ZNF101: variants seen among roughly 807,000 people sequenced by gnomAD.
The protein encoded by ZNF101 is zinc finger protein 101 (Y2).
A neutral mutation model predicts 42.6 loss-of-function variants in ZNF101; 34 were observed. The observed-to-expected ratio is 0.80, with a 90% CI of 0.61 to 1.06. The LOEUF (loss-of-function observed/expected upper bound fraction) is 1.06. Ranked by LOEUF, ZNF101 falls within the 50% of genes least tolerant of loss-of-function variation. The pLI is 0.00. For synonymous variants in ZNF101, 158 were observed against 183.9 expected, an observed-to-expected ratio of 0.86 and a Z score of 1.14; for missense variants, 466 against 530.9, an observed-to-expected ratio of 0.88 and a Z score of 1.20.
At position 19,673,736 on chromosome 19, in the gene ZNF101, A is replaced by G. The variant is rs923261014; in HGVS notation, c.4-4128A>G. ...GAGACAGAGTCTCACTCTGTCGCCC[A>G]GTCTGGGCTATTTGGTGTCCTGGGT... On this transcript the variant is annotated intron_variant, in intron 1 of 3. Coordinates refer to ENST00000592502, the MANE Select transcript of ZNF101 (RefSeq NM_033204.4). Among the ~76,000 whole-genome samples, 3 of 119,098 alleles carry G rather than the reference A, an allele frequency of 2.5e-5. No homozygotes were observed. The Admixed American group carries it at 3.4e-4, about 14-fold the overall frequency. The allele number at this position is 119,098 out of a possible 152,430, so 78.1% of individuals were successfully genotyped here.
intron 1 of ZNF101, 56 bp downstream of exon 1, chr19:19,669,022 C>T: frequency 1.3e-6 from 2 of 1,553,510 alleles, no homozygotes; most frequent in Non-Finnish European, 1.7e-6. Context: ...TCGGAACCGG[C>T]AGTGGCTGGA....
chr19:19,675,642 T>G (rs1017448364), intron 1 of ZNF101, among the ~76,000 whole-genome samples: 1 of 152,180 alleles, frequency 6.6e-6, no homozygotes, highest in African/African-American at 2.4e-5. Flanking sequence ...ATGTATGTAT[T>G]CTGCTGCTGT....
chr19:19,669,948 C>G (rs74181148), intron 1 of ZNF101, among the ~76,000 whole-genome samples: 7,408 of 152,100 alleles, frequency 0.049, 273 homozygotes, highest in East Asian at 0.17. Flanking sequence ...CTCTTTTTAC[C>G]TTCCCTAGGC....
At chr19:19,671,768 G>A (rs148625376) in intron 1 of ZNF101, among the ~76,000 whole-genome samples, 3,562 of 152,214 alleles carry the variant, frequency 0.023, 52 homozygotes, top group South Asian at 0.04. Flanking sequence ...CAAAGTGCTG[G>A]GATTACAGGC....
At chr19:19,672,535 G>C (rs1462452872) in intron 1 of ZNF101, among the ~76,000 whole-genome samples, 1 of 149,094 alleles carries the variant, frequency 6.7e-6, no homozygotes, top group African/African-American at 2.5e-5. Context: ...TTTAGAACGG[G>C]CTTTTTTTTT....
chr19:19,679,139 T>G, intron 3 of ZNF101, 42 bp from the exon 4 acceptor site: 1 of 1,586,870 alleles, frequency 6.3e-7, no homozygotes, highest in South Asian at 1.1e-5. Context: ...AGAAAAGCAT[T>G]AATAAACCAA....
intron 2 of ZNF101, 69 bp downstream of exon 2, chr19:19,678,059 C>G (rs1010223619): frequency 1.3e-6 from 2 of 1,575,328 alleles, no homozygotes; most frequent in African/African-American, 2.7e-5. Flanking sequence ...TGTGGTTGCA[C>G]AGTTTGGAAT....
At position 19,683,143 on chromosome 19, in the gene ZNF101, T is replaced by C. The variant is rs887257629; in HGVS notation, c.*2843T>C. ...TAATAGAGATTTCTTACTGGTGTTATGTGGCAGATTCTGCATATTCCTCAC... is the reference window on the plus strand; with the variant it reads ...TAATAGAGATTTCTTACTGGTGTTACGTGGCAGATTCTGCATATTCCTCAC... On this transcript the variant is annotated 3_prime_UTR_variant, in exon 4 of 4. Coordinates refer to ENST00000592502, the MANE Select transcript of ZNF101 (RefSeq NM_033204.4). The C allele has an allele frequency of 6.6e-6, 1 of 152,302 alleles. No homozygotes were observed. Among genetic ancestry groups the C allele is most frequent in the Admixed American group, 6.6e-5 (1 of 15,260 alleles). 9.4% of individuals were successfully genotyped at this position (152,302 alleles called of 1,614,324 possible).
At position 19,673,365 on chromosome 19, in the gene ZNF101, T is replaced by G. The variant is rs542706913; in HGVS notation, c.3+4399T>G. Among the ~76,000 whole-genome samples, 9 of 151,194 alleles carry G rather than the reference T, an allele frequency of 6.0e-5. No individual in the cohort carries two copies. The East Asian group carries it at 1.6e-3, about 26-fold the overall frequency. Reference sequence around the variant, plus strand: ...TCTGGGTTCAAGCAGTTCTTCTGTCTCAGTCTCCGGAGTAGCTGGGATTAC... The same window carrying G: ...TCTGGGTTCAAGCAGTTCTTCTGTCGCAGTCTCCGGAGTAGCTGGGATTAC... On this transcript the variant is annotated intron_variant, in intron 1 of 3. Coordinates refer to ENST00000592502, the MANE Select transcript of ZNF101 (RefSeq NM_033204.4).
intron 1 of ZNF101, among the ~76,000 whole-genome samples, chr19:19,669,911 TAA>T (rs551680816): frequency 1.4e-5 from 2 of 147,430 alleles, no homozygotes; most frequent in African/African-American, 4.9e-5. Flanking sequence ...ACTCCGATGT[TAA>T]AAAAAAAAAA....
chr19:19,679,513 G>T lies in ZNF101; in HGVS notation c.524G>T (p.Gly175Val). ...RKRPYECKVCGKAFNSPNLFQ... is the reference protein window; with the variant it reads ...RKRPYECKVCVKAFNSPNLFQ... Reference sequence around the variant, plus strand: ...AGACCTTATGAATGCAAGGTGTGCGGGAAAGCCTTTAATTCTCCCAATTTA... The same window carrying T: ...AGACCTTATGAATGCAAGGTGTGCGTGAAAGCCTTTAATTCTCCCAATTTA... Residue 175 changes from glycine (G) to valine (V), a missense_variant, in exon 4 of 4, where the codon GGG becomes GTG. Gly to Val is a moderately radical substitution (Grantham distance 109). Transcript: ENST00000592502. The T allele has an allele frequency of 6.2e-7, 1 of 1,614,130 alleles. No homozygotes were observed. The highest frequency in any genetic ancestry group is 8.5e-7 in the Non-Finnish European group (1 of 1,180,034).
At chr19:19,678,554 G>A (rs960719294) in intron 2 of ZNF101, among the ~76,000 whole-genome samples, 172 bp from the exon 3 acceptor site, 3 of 151,844 alleles carry the variant, frequency 2.0e-5, no homozygotes, top group Admixed American at 1.3e-4. Context: ...GGCGGAGGCT[G>A]CAGTGAGCAG....
rs1424595936 is a variant in ZNF101 at position 19,678,717 on chromosome 19, A to T, written c.131-9A>T. 1.3e-6 allele frequency: 2 copies of T among 1,598,640 alleles called. No homozygotes were observed. Among genetic ancestry groups the T allele is most frequent in the East Asian group, 2.2e-5 (1 of 44,758 alleles). ...AATTCATAATAATTTCTCTGGGTCTACATTTTAGGAATCCAATGGAAAGAC... is the reference window on the plus strand; with the variant it reads ...AATTCATAATAATTTCTCTGGGTCTTCATTTTAGGAATCCAATGGAAAGAC... On this transcript the variant is annotated splice_polypyrimidine_tract_variant and intron_variant, in intron 2 of 3. Transcript: ENST00000592502.
upstream of ZNF101, among the ~76,000 whole-genome samples, chr19:19,668,594 CTTCCATG>C (rs2062147068): frequency 6.6e-6 from 1 of 152,126 alleles, no homozygotes; most frequent in Non-Finnish European, 1.5e-5. Context: ...GCAAGTTCTG[CTTCCATG>C]CAAGTCCAGG....
chr19:19,673,908 C>G (rs1386050610), intron 1 of ZNF101, among the ~76,000 whole-genome samples: 1 of 151,444 alleles, frequency 6.6e-6, no homozygotes, highest in Non-Finnish European at 1.5e-5. Context: ...ATTCTCCTGC[C>G]TCAGCCTCCC....
chr19:19,679,273 G>A lies in ZNF101; in HGVS notation c.284G>A (p.Ser95Asn). The part of the protein sequence containing the change: ...QIPDCHLNKK[S>N]QTGVKPCKCS... ...CCTGATTGTCACCTGAACAAGAAAAGTCAAACTGGAGTGAAACCATGCAAA... is the reference window on the plus strand; with the variant it reads ...CCTGATTGTCACCTGAACAAGAAAAATCAAACTGGAGTGAAACCATGCAAA... The change falls in exon 4 of 4, where the codon AGT becomes AAT. Residue 95 changes from serine to asparagine, a missense_variant. Physicochemically the swap from Ser to Asn is conservative, Grantham distance 46. Coordinates refer to ENST00000592502, the MANE Select transcript of ZNF101 (RefSeq NM_033204.4). 1 of 1,614,186 alleles carries A rather than the reference G, an allele frequency of 6.2e-7. No individual in the cohort carries two copies. The highest frequency in any genetic ancestry group is 1.1e-5 in the South Asian group (1 of 91,092).
At chr19:19,675,475 C>G (rs1380049634) in intron 1 of ZNF101, among the ~76,000 whole-genome samples, 2 of 152,084 alleles carry the variant, frequency 1.3e-5, no homozygotes, top group South Asian at 2.1e-4. Context: ...CCTGCTACTA[C>G]AGCTCTGTTC....
Position 19,683,199 on chromosome 19 carries a change from T to TG in ZNF101, c.*2903dup, listed in dbSNP as rs1372240966. Reference sequence around the variant, plus strand: ...ATATGTATTCCACTTTCCTTTATTATGGGGAAAACTACTCTTTTTGGCATG... The same window carrying TG: ...ATATGTATTCCACTTTCCTTTATTATGGGGGAAAACTACTCTTTTTGGCATG... On this transcript the variant is annotated 3_prime_UTR_variant, in exon 4 of 4. Transcript: ENST00000592502. 6.6e-6 allele frequency: 1 copy of TG among 152,194 alleles called. No individual in the cohort carries two copies. The highest frequency in any genetic ancestry group is 3.2e-3 in the Middle Eastern group (1 of 316). The allele number at this position is 152,194 out of a possible 1,614,324, so 9.4% of individuals were successfully genotyped here.
At chr19:19,677,780 C>T (rs1383965057) in intron 1 of ZNF101, 84 bp from the exon 2 acceptor site, 10 of 1,542,762 alleles carry the variant, frequency 6.5e-6, no homozygotes, top group Admixed American at 5.7e-5. Context: ...GAGAGCCCGG[C>T]GTCATGGGAT....
Sources: allele counts gnomAD v4.1 joint callset (sites outside exome capture counted in the v4.1 genomes callset), GRCh38; gene constraint gnomAD v4.1.1; transcripts MANE v1.5; gene names NCBI Gene and HGNC (gene_info 2026-07-23, HGNC 2026-07-21).